The following PTPRG variants were observed in gnomAD, a reference collection of about 807,000 sequenced individuals.
PTPRG encodes protein tyrosine phosphatase receptor type G, also known as receptor-type tyrosine-protein phosphatase gamma.
Under a neutral mutation model 165.3 loss-of-function variants are expected in PTPRG, and 102 were observed. That is an observed-to-expected ratio of 0.62 (90% CI 0.53 to 0.73). PTPRG has a LOEUF of 0.73. Among genes scored for constraint, PTPRG ranks in the 30% least tolerant of loss-of-function variants. The pLI is 0.00. For missense variants in PTPRG, 1,866 were observed against 1,861.4 expected (o/e 1.00, Z -0.05); for synonymous variants, 675 against 669.5 (o/e 1.01, Z -0.13).
chr3:62,059,117 C>T (rs1402718505), intron 4 of PTPRG, among the ~76,000 whole-genome samples: 7 of 152,200 alleles, frequency 4.6e-5, no homozygotes, highest in African/African-American at 1.4e-4. Flanking sequence ...GAAGCAGTTT[C>T]TTAACCTTCC....
chr3:61,682,885 A>G (rs1437110584), intron 1 of PTPRG, among the ~76,000 whole-genome samples: 1 of 152,250 alleles, frequency 6.6e-6, no homozygotes, highest in African/African-American at 2.4e-5. Flanking sequence ...GCCCCAGGGT[A>G]ATAAAATTTA....
rs1702973876 is a variant in PTPRG at position 62,293,585 on chromosome 3, G to C, written c.*278G>C. 3.9e-6 allele frequency: 1 copy of C among 255,052 alleles called. No homozygotes were observed. The highest frequency in any genetic ancestry group is 5.4e-5 in the Admixed American group (1 of 18,658). The allele number at this position is 255,052 out of a possible 1,614,324, so 15.8% of individuals were successfully genotyped here. ...CTTATACAACAGCAAACCCTGATGT[G>C]ACATTCCATGACGACATACATGCTA... On this transcript the variant is annotated 3_prime_UTR_variant, in exon 30 of 30. Coordinates refer to ENST00000474889, the MANE Select transcript of PTPRG (RefSeq NM_002841.4).
intron 2 of PTPRG, among the ~76,000 whole-genome samples, chr3:61,929,762 A>G (rs765921813): frequency 5.9e-5 from 9 of 152,220 alleles, no homozygotes; most frequent in African/African-American, 9.6e-5. Context: ...TTCAGGAGCA[A>G]GAGCGAGCAG....
intron 14 of PTPRG, among the ~76,000 whole-genome samples, chr3:62,238,137 C>T (rs1332838894): frequency 6.6e-6 from 1 of 152,208 alleles, no homozygotes; most frequent in Non-Finnish European, 1.5e-5. Flanking sequence ...AGGCAAAATG[C>T]TTACTCTGTG....
chr3:61,970,235 G>A (rs939355698), intron 2 of PTPRG, among the ~76,000 whole-genome samples: 4 of 152,140 alleles, frequency 2.6e-5, no homozygotes, highest in Non-Finnish European at 2.9e-5. Flanking sequence ...AACTCATGAG[G>A]AGAAGGAAAG....
chr3:62,267,005 G>T (rs1208944443), intron 17 of PTPRG, among the ~76,000 whole-genome samples: 1 of 151,790 alleles, frequency 6.6e-6, no homozygotes, highest in Admixed American at 6.6e-5. Context: ...AATTAGCAAT[G>T]GAATTGCCTG....
rs758454672 is a variant in PTPRG at position 61,925,789 on chromosome 3, A to C, written c.191-63836A>C. On this transcript the variant is annotated intron_variant, in intron 2 of 29. Coordinates refer to ENST00000474889, the MANE Select transcript of PTPRG (RefSeq NM_002841.4). ...TTGGTCAAAGTTGCAGCACCTGCCA[A>C]CCTATACGCCAGTGTTCACCAGAGG... 27 of 416,836 alleles carry C rather than the reference A, an allele frequency of 6.5e-5. 1 individual carries two copies. The highest frequency in any genetic ancestry group is 1.3e-4 in the Non-Finnish European group (27 of 207,640). 25.8% of individuals were successfully genotyped at this position (416,836 alleles called of 1,614,324 possible).
In PTPRG at chr3:62,295,255, C is replaced by A. The variant is rs1576239204; in HGVS notation, c.*1948C>A. ...GTAAAGTTCAAGTAAAGCTTGAACA[C>A]AGGAACACTACAACTGCCAGATGCT... On this transcript the variant is annotated 3_prime_UTR_variant, in exon 30 of 30. Coordinates refer to ENST00000474889, the MANE Select transcript of PTPRG (RefSeq NM_002841.4). 1 of 152,080 alleles carries A rather than the reference C, an allele frequency of 6.6e-6. No individual in the cohort carries two copies. The highest frequency in any genetic ancestry group is 2.4e-5 in the African/African-American group (1 of 41,414). 9.4% of individuals were successfully genotyped at this position (152,080 alleles called of 1,614,324 possible).
At chr3:62,056,289 T>A (rs747138411) in intron 4 of PTPRG, among the ~76,000 whole-genome samples, 13 of 152,152 alleles carry the variant, frequency 8.5e-5, no homozygotes, top group African/African-American at 1.7e-4. Context: ...GTACAAAGGG[T>A]ATAGGAGTGA....
intron 1 of PTPRG, among the ~76,000 whole-genome samples, chr3:61,634,653 A>G (rs1277903156): frequency 2.0e-5 from 3 of 152,224 alleles, no homozygotes; most frequent in African/African-American, 2.4e-5. Flanking sequence ...GTAGCAGGAC[A>G]GAACTTCTTG....
chr3:61,866,668 C>A (rs1047460388), intron 2 of PTPRG, among the ~76,000 whole-genome samples: 3 of 125,900 alleles, frequency 2.4e-5, no homozygotes, highest in Non-Finnish European at 4.8e-5. Flanking sequence ...GGTACGGTAT[C>A]AGCTCACTGC....
At chr3:61,600,524 G>T (rs1331397643) in intron 1 of PTPRG, among the ~76,000 whole-genome samples, 1 of 151,970 alleles carries the variant, frequency 6.6e-6, no homozygotes, top group African/African-American at 2.4e-5. Flanking sequence ...TGATGATGTG[G>T]TTTTGGTTCT....
chr3:61,638,708 G>A (rs1030303903), intron 1 of PTPRG, among the ~76,000 whole-genome samples: 6 of 150,024 alleles, frequency 4.0e-5, no homozygotes, highest in African/African-American at 1.5e-4. Flanking sequence ...AAAGTGCTGG[G>A]ATTACAGGCG....
chr3:61,691,939 C>T (rs1365830353), intron 1 of PTPRG, among the ~76,000 whole-genome samples: 4 of 152,192 alleles, frequency 2.6e-5, no homozygotes, highest in African/African-American at 4.8e-5. Context: ...ATGTTTACAT[C>T]ACACACGGGT....
chr3:62,131,714 G>T (rs1324341941), intron 5 of PTPRG, among the ~76,000 whole-genome samples: 1 of 152,056 alleles, frequency 6.6e-6, no homozygotes, highest in Non-Finnish European at 1.5e-5. Flanking sequence ...AAAGAAAATT[G>T]TATAATGACC....
At position 62,003,459 on chromosome 3, in the gene PTPRG, T is replaced by C; in HGVS notation, c.481T>C (p.Ser161Pro). Residue 161 changes from serine to proline, a missense_variant, in exon 4 of 30, where the codon TCT becomes CCT. Physicochemically the swap from Ser to Pro is moderately conservative, Grantham distance 74. This residue lies in a region of PTPRG where 408 missense variants were observed against 376.2 expected (regional missense o/e 1.08). Transcript: ENST00000474889. ...HWGHSNGSAGSEHSINGRRFP... is the reference protein window; with the variant it reads ...HWGHSNGSAGPEHSINGRRFP... ...GGGCCACAGCAATGGCTCAGCGGGCTCTGAACACAGCATCAATGGCAGGAG... is the reference window on the plus strand; with the variant it reads ...GGGCCACAGCAATGGCTCAGCGGGCCCTGAACACAGCATCAATGGCAGGAG... 6.2e-7 allele frequency: 1 copy of C among 1,614,050 alleles called. No homozygotes were observed.
chr3:61,855,582 A>G (rs990610766), intron 2 of PTPRG, among the ~76,000 whole-genome samples: 3 of 151,366 alleles, frequency 2.0e-5, no homozygotes, highest in South Asian at 4.2e-4. Flanking sequence ...TAAAATGTTC[A>G]TGTTAAAGTA....
chr3:61,945,560 CAAAAAAAAAAAAAAAAAAAA>C (rs71123242), intron 2 of PTPRG, among the ~76,000 whole-genome samples: 1 of 55,460 alleles, frequency 1.8e-5, no homozygotes, highest in Non-Finnish European at 3.2e-5. Context: ...ACTCCGTCAC[CAAAAAAAAAAAAAAAAAAAA>C]AAAAAAAAAT....
chr3:61,705,325 G>C (rs2031190668), intron 1 of PTPRG, among the ~76,000 whole-genome samples: 1 of 152,140 alleles, frequency 6.6e-6, no homozygotes, highest in Non-Finnish European at 1.5e-5. Context: ...TTTGTTTGTT[G>C]GGAGAGGGAG....
Sources: allele counts gnomAD v4.1 joint callset (sites outside exome capture counted in the v4.1 genomes callset), GRCh38; gene constraint gnomAD v4.1.1; regional missense constraint gnomAD v4.1.1; transcripts MANE v1.5; gene names NCBI Gene and HGNC (gene_info 2026-07-23, HGNC 2026-07-21).